AP3B1: variants seen among roughly 807,000 people sequenced by gnomAD.
AP3B1 encodes AP-3 complex subunit beta-1.
Under a neutral mutation model 132.5 loss-of-function variants are expected in AP3B1, and 61 were observed. That is an observed-to-expected ratio of 0.46 (90% CI 0.37 to 0.57). AP3B1 has a LOEUF of 0.57. Among genes scored for constraint, AP3B1 ranks in the 20% least tolerant of loss-of-function variants. The pLI is 0.00. For missense variants in AP3B1, 1,120 were observed against 1,289.4 expected, an observed-to-expected ratio of 0.87 and a Z score of 2.01; for synonymous variants, 388 against 438.3, an observed-to-expected ratio of 0.89 and a Z score of 1.43.
At position 78,060,985 on chromosome 5, in the gene AP3B1, T is replaced by A. The variant is rs542944757; in HGVS notation, c.2578-21711A>T. Among the ~76,000 whole-genome samples, 2 of 152,214 alleles carry A rather than the reference T, an allele frequency of 1.3e-5. 1 individual carries two copies. The highest frequency in any genetic ancestry group is 2.9e-5 in the Non-Finnish European group (2 of 68,036). On this transcript the variant is annotated intron_variant, in intron 22 of 26. Transcript: ENST00000255194. ...TAATTTTTATGTTTAATCTGACACC[T>A]GCTCAGATCATCACACTACCTCTTG...
chr5:78,285,013 C>T (rs1009129545), intron 1 of AP3B1, among the ~76,000 whole-genome samples: 1 of 152,044 alleles, frequency 6.6e-6, no homozygotes, highest in African/African-American at 2.4e-5. Flanking sequence ...TTTGGGAGGC[C>T]GAGGTGGGCA....
chr5:78,210,503 T>C (rs868484577), intron 7 of AP3B1, among the ~76,000 whole-genome samples: 4 of 152,194 alleles, frequency 2.6e-5, no homozygotes, highest in African/African-American at 7.2e-5. Context: ...TGTACAGATA[T>C]ACAGAGAGAG....
At position 78,129,250 on chromosome 5, in the gene AP3B1, T is replaced by C. The variant is rs925948767; in HGVS notation, c.1708A>G (p.Ile570Val). ...NLGKYDQNYDIRDRTRFIRQL... is the reference protein window; with the variant it reads ...NLGKYDQNYDVRDRTRFIRQL... ...CTAATAAATCTTGTACGGTCTCTGA[T>C]GTCGTAGTTTTGATCATACTTGCCG... The change falls in exon 16 of 27, where the codon ATC becomes GTC. Residue 570 changes from isoleucine to valine, a missense_variant. Physicochemically the swap from Ile to Val is conservative, Grantham distance 29. Coordinates refer to ENST00000255194, the MANE Select transcript of AP3B1 (RefSeq NM_003664.5). The C allele has an allele frequency of 3.7e-6, 6 of 1,613,492 alleles. No homozygotes were observed. Among genetic ancestry groups the C allele is most frequent in the Non-Finnish European group, 5.1e-6 (6 of 1,179,518 alleles).
intron 17 of AP3B1, among the ~76,000 whole-genome samples, chr5:78,120,645 A>C (rs1193944298): frequency 6.6e-6 from 1 of 151,982 alleles, no homozygotes; most frequent in African/African-American, 2.4e-5. Context: ...AGAGCTAACT[A>C]TCCTAAATAT....
chr5:78,175,388 T>C (rs1479506362), intron 11 of AP3B1, among the ~76,000 whole-genome samples: 1 of 152,244 alleles, frequency 6.6e-6, no homozygotes, highest in African/African-American at 2.4e-5. Flanking sequence ...AATGCCTGTC[T>C]CCTTCAGTAA....
chr5:78,120,984 A>G (rs1057086287), intron 17 of AP3B1, among the ~76,000 whole-genome samples: 2 of 152,220 alleles, frequency 1.3e-5, no homozygotes, highest in African/African-American at 2.4e-5. Flanking sequence ...AGAAATTATA[A>G]CGAACTGTCT....
chr5:78,216,333 A>G, intron 6 of AP3B1, 96 bp from the exon 7 acceptor site: 2 of 1,116,978 alleles, frequency 1.8e-6, no homozygotes, highest in South Asian at 2.7e-5. Flanking sequence ...CATGCCAATC[A>G]GTATTAAAGT....
At chr5:78,284,854 CA>C (rs1319005948) in intron 1 of AP3B1, among the ~76,000 whole-genome samples, 3 of 152,134 alleles carry the variant, frequency 2.0e-5, no homozygotes, top group African/African-American at 7.2e-5. Flanking sequence ...GTTCCATCAG[CA>C]AACAAGATAA....
chr5:78,051,751 T>C (rs1439313757), intron 22 of AP3B1, among the ~76,000 whole-genome samples: 1 of 152,208 alleles, frequency 6.6e-6, no homozygotes, highest in East Asian at 1.9e-4. Context: ...TATCTAGTTT[T>C]GTTTGGCTTA....
intron 22 of AP3B1, among the ~76,000 whole-genome samples, chr5:78,084,066 A>AT (rs1291508601): frequency 6.6e-6 from 1 of 152,220 alleles, no homozygotes; most frequent in Admixed American, 6.5e-5. Flanking sequence ...TTAATTTGAA[A>AT]TTCCATCTTA....
rs377061172 is a variant in AP3B1, at chr5:78,181,490, T to A, written c.942+17A>T. The A allele has an allele frequency of 2.1e-5, 33 of 1,609,238 alleles. No homozygotes were observed. The highest frequency in any genetic ancestry group is 2.7e-5 in the Non-Finnish European group (32 of 1,177,702). ...TTAAAAACCAGTGAATTATTTCTTA[T>A]AAGGATTTTAACATACCGCAGCATT... is the stretch of plus-strand genomic sequence containing the variant. On this transcript the variant is annotated intron_variant, in intron 8 of 26. Coordinates refer to ENST00000255194, the MANE Select transcript of AP3B1 (RefSeq NM_003664.5).
At chr5:78,098,811 C>T (rs1225647225) in intron 21 of AP3B1, among the ~76,000 whole-genome samples, 1 of 152,176 alleles carries the variant, frequency 6.6e-6, no homozygotes, top group Non-Finnish European at 1.5e-5. Flanking sequence ...AGACCCTGTC[C>T]TCATGGAACT....
In AP3B1 at chr5:78,278,360, G is replaced by GTTTAAAAC. The variant is rs1489893774; in HGVS notation, c.129-10766_129-10765insGTTTTAAA. Among the ~76,000 whole-genome samples, 290 of 140,306 alleles carry GTTTAAAAC rather than the reference G, an allele frequency of 2.1e-3. 3 individuals are homozygous for GTTTAAAAC. Among genetic ancestry groups the GTTTAAAAC allele is most frequent in the Middle Eastern group, 7.5e-3 (2 of 268 alleles). The allele number at this position is 140,306 out of a possible 152,430, so 92.0% of individuals were successfully genotyped here. ...CTCCAAAAGGGGACTAATTCTTTGGGAGGCCGAGGCGGGCGGATCACGAGG... is the reference window on the plus strand; with the variant it reads ...CTCCAAAAGGGGACTAATTCTTTGGGTTTAAAACAGGCCGAGGCGGGCGGATCACGAGG... On this transcript the variant is annotated intron_variant, in intron 1 of 26. Transcript: ENST00000255194.
intron 13 of AP3B1, among the ~76,000 whole-genome samples, chr5:78,158,188 T>C (rs893085491): frequency 5.3e-5 from 8 of 152,210 alleles, no homozygotes; most frequent in African/African-American, 1.9e-4. Context: ...TTAACTAATA[T>C]TGACTGGGCA....
At chr5:78,154,134 G>A (rs1409940360) in intron 14 of AP3B1, among the ~76,000 whole-genome samples, 1 of 152,160 alleles carries the variant, frequency 6.6e-6, no homozygotes, top group Non-Finnish European at 1.5e-5. Flanking sequence ...GAAAAGACAG[G>A]TCTGTTGCTG....
At chr5:78,050,381 G>T (rs1446489701) in intron 22 of AP3B1, among the ~76,000 whole-genome samples, 3 of 151,982 alleles carry the variant, frequency 2.0e-5, no homozygotes, top group Non-Finnish European at 4.4e-5. Flanking sequence ...AGAACTCAAA[G>T]CATAATTTTA....
chr5:78,186,265 C>T (rs1395250184), intron 7 of AP3B1, among the ~76,000 whole-genome samples: 1 of 152,078 alleles, frequency 6.6e-6, no homozygotes, highest in Admixed American at 6.6e-5. Flanking sequence ...AGATAAAGTA[C>T]ACTTCAGAGC....
chr5:78,148,046 AAG>A (rs1428229863), intron 14 of AP3B1, among the ~76,000 whole-genome samples: 2 of 151,976 alleles, frequency 1.3e-5, no homozygotes, highest in African/African-American at 2.4e-5. Context: ...AAAAAAGGGA[AAG>A]AGAGAGAATG....
intron 14 of AP3B1, among the ~76,000 whole-genome samples, chr5:78,151,049 G>A (rs1002516000): frequency 5.9e-5 from 9 of 152,112 alleles, no homozygotes; most frequent in Non-Finnish European, 1.5e-5. Context: ...CTCCCAGGTA[G>A]CTGGGATTAC....
Sources: gnomAD v4.1 joint callset for allele counts (sites outside exome capture counted in the v4.1 genomes callset) on GRCh38, gnomAD v4.1.1 for gene constraint, MANE v1.5 for transcripts, NCBI Gene and HGNC (gene_info 2026-07-23, HGNC 2026-07-21) for gene names.